Variants in LPP observed in about 807,000 individuals in gnomAD.
LPP encodes lipoma-preferred partner.
Under a neutral mutation model 60.4 loss-of-function variants are expected in LPP, and 38 were observed. The ratio of observed to expected loss-of-function variants is 0.63; its 90% CI spans 0.49 to 0.83. The LOEUF is 0.83. LPP is among the 40% of genes least tolerant of loss of function. The pLI, the probability that LPP is intolerant of heterozygous loss-of-function variation, is 0.00. For synonymous variants in LPP, 328 were observed against 290.8 expected, an observed-to-expected ratio of 1.13 and a Z score of -1.30; for missense variants, 902 against 783.6, an observed-to-expected ratio of 1.15 and a Z score of -1.80.
chr3:188,843,711 C>T (rs899690181), intron 9 of LPP, among the ~76,000 whole-genome samples: 5 of 144,132 alleles, frequency 3.5e-5, no homozygotes, highest in Admixed American at 3.1e-4. Context: ...GGCGTGAACC[C>T]GGGAGGCGGA....
intron 2 of LPP, among the ~76,000 whole-genome samples, chr3:188,321,600 G>A (rs1756978055): frequency 6.6e-6 from 1 of 152,006 alleles, no homozygotes; most frequent in Non-Finnish European, 1.5e-5. Flanking sequence ...TGCTTGGACT[G>A]GAGAAAAATC....
intron 8 of LPP, among the ~76,000 whole-genome samples, chr3:188,757,017 AG>A (rs1345937086): frequency 6.6e-6 from 1 of 152,228 alleles, no homozygotes; most frequent in Non-Finnish European, 1.5e-5. Flanking sequence ...AGGGAAAACT[AG>A]AATGTCTTTT....
chr3:188,345,069 G>A (rs1256372255), intron 3 of LPP, among the ~76,000 whole-genome samples: 7 of 152,196 alleles, frequency 4.6e-5, no homozygotes, highest in Non-Finnish European at 8.8e-5. Context: ...TTTAGTGTCT[G>A]GGAGGGAATC....
intron 3 of LPP, among the ~76,000 whole-genome samples, chr3:188,398,117 C>G (rs1781402923): frequency 6.8e-6 from 1 of 146,204 alleles, no homozygotes; most frequent in South Asian, 2.2e-4. Flanking sequence ...ATTTAATGTG[C>G]TGATTCCAAC....
chr3:188,396,242 TCTA>T (rs1780928160), intron 3 of LPP, among the ~76,000 whole-genome samples: 1 of 152,208 alleles, frequency 6.6e-6, no homozygotes, highest in Non-Finnish European at 1.5e-5. Flanking sequence ...ATTAAGAATT[TCTA>T]CTTTTTCAAG....
chr3:188,484,164 C>T (rs549729456), intron 4 of LPP, among the ~76,000 whole-genome samples: 56 of 152,286 alleles, frequency 3.7e-4, no homozygotes, highest in African/African-American at 1.3e-3. Flanking sequence ...CCATGATCCT[C>T]CACTTTATCT....
intron 6 of LPP, among the ~76,000 whole-genome samples, chr3:188,591,010 T>C (rs1838582347): frequency 6.6e-6 from 1 of 152,208 alleles, no homozygotes; most frequent in African/African-American, 2.4e-5. Context: ...TTTTTGTTGT[T>C]GATTTTCTGT....
At chr3:188,289,677 A>G (rs1745284574) in intron 2 of LPP, among the ~76,000 whole-genome samples, 2 of 152,182 alleles carry the variant, frequency 1.3e-5, no homozygotes, top group South Asian at 2.1e-4. Flanking sequence ...AAAACGAATA[A>G]GCAGGTACAT....
chr3:188,557,309 G>T (rs2150603461), intron 6 of LPP, among the ~76,000 whole-genome samples: 1 of 152,124 alleles, frequency 6.6e-6, no homozygotes, highest in South Asian at 2.1e-4. Context: ...AAGCAAAACT[G>T]TGTTTATTAG....
At chr3:188,227,534 A>G (rs1718264495) in intron 2 of LPP, among the ~76,000 whole-genome samples, 2 of 152,088 alleles carry the variant, frequency 1.3e-5, no homozygotes, top group Non-Finnish European at 2.9e-5. Context: ...ACCTGCGTTT[A>G]ATAGAGTATG....
intron 4 of LPP, among the ~76,000 whole-genome samples, chr3:188,469,935 C>A (rs141443003): frequency 3.3e-5 from 5 of 151,904 alleles, no homozygotes; most frequent in African/African-American, 1.2e-4. Flanking sequence ...CAGTAAAAGG[C>A]GAAAGATTTA....
chr3:188,246,530 C>T (rs754172893), intron 2 of LPP, among the ~76,000 whole-genome samples: 4 of 152,258 alleles, frequency 2.6e-5, no homozygotes, highest in South Asian at 4.1e-4. Flanking sequence ...CTTTCCATGT[C>T]TTATGAATTT....
chr3:188,234,019 C>A (rs1323071429), intron 2 of LPP, among the ~76,000 whole-genome samples: 1 of 152,052 alleles, frequency 6.6e-6, no homozygotes, highest in Non-Finnish European at 1.5e-5. Context: ...CACTGGTTCC[C>A]ACAAATAGCA....
chr3:188,841,389 A>ATTTTTT (rs769453833), intron 9 of LPP, among the ~76,000 whole-genome samples: 54 of 94,482 alleles, frequency 5.7e-4, no homozygotes, highest in East Asian at 2.5e-3. Flanking sequence ...CCCTTTCTGA[A>ATTTTTT]TTTGTTTTTT....
chr3:188,400,158 A>G (rs1383460829), intron 3 of LPP, among the ~76,000 whole-genome samples: 3 of 152,152 alleles, frequency 2.0e-5, no homozygotes, highest in African/African-American at 7.2e-5. Context: ...CATTATGGCA[A>G]GTAGAATTCA....
At chr3:188,156,018 A>C (rs1202331281) in intron 1 of LPP, among the ~76,000 whole-genome samples, 8 of 152,132 alleles carry the variant, frequency 5.3e-5, no homozygotes, top group Non-Finnish European at 1.5e-5. Flanking sequence ...GCCTCTCAAA[A>C]AAAACAAAAA....
intron 4 of LPP, among the ~76,000 whole-genome samples, chr3:188,446,146 G>A (rs1179224103): frequency 2.6e-5 from 4 of 152,082 alleles, no homozygotes; most frequent in Admixed American, 6.5e-5. Flanking sequence ...GGTTGATTAC[G>A]GCTTGTGGGA....
intron 6 of LPP, among the ~76,000 whole-genome samples, chr3:188,592,798 C>T (rs1194724696): frequency 5.3e-5 from 8 of 151,856 alleles, no homozygotes; most frequent in African/African-American, 1.9e-4. Flanking sequence ...CCTTGGCCTC[C>T]CAAAGCGCTG....
intron 2 of LPP, among the ~76,000 whole-genome samples, chr3:188,322,073 A>G (rs181701226): frequency 3.9e-5 from 6 of 152,354 alleles, no homozygotes; most frequent in African/African-American, 1.4e-4. Flanking sequence ...GATGCTGCTT[A>G]CATATACGAA....
Sources: gnomAD v4.1 joint callset for allele counts (sites outside exome capture counted in the v4.1 genomes callset) on GRCh38, gnomAD v4.1.1 for gene constraint, MANE v1.5 for transcripts, NCBI Gene and HGNC (gene_info 2026-07-23, HGNC 2026-07-21) for gene names.